PACS2: variants seen among roughly 807,000 people sequenced by gnomAD.
PACS2 encodes phosphofurin acidic cluster sorting protein 2.
Under a neutral mutation model 113.0 loss-of-function variants are expected in PACS2, and 36 were observed. The observed-to-expected ratio is 0.32, with a 90% CI of 0.24 to 0.42. PACS2 has a LOEUF of 0.42. Ranked by LOEUF, PACS2 falls within the 10% of genes least tolerant of loss-of-function variation. The pLI, the probability that PACS2 is intolerant of heterozygous loss-of-function variation, is 1.00. For synonymous variants in PACS2, 589 were observed against 536.1 expected (o/e 1.10, Z -1.36); for missense variants, 1,015 against 1,239.5 (o/e 0.82, Z 2.72).
chr14:105,327,753 G>A (rs2059173944), intron 1 of PACS2, among the ~76,000 whole-genome samples: 1 of 152,196 alleles, frequency 6.6e-6, no homozygotes, highest in South Asian at 2.1e-4. Flanking sequence ...TGGCTCGAGC[G>A]GTTCCCTGCC....
chr14:105,339,206 G>A (rs1566917122), intron 1 of PACS2, among the ~76,000 whole-genome samples: 2 of 152,182 alleles, frequency 1.3e-5, no homozygotes, highest in African/African-American at 4.8e-5. Context: ...GAGACCAGGT[G>A]CTTCAAAAAG....
At position 105,369,916 on chromosome 14, in the gene PACS2, CT is replaced by C; in HGVS notation, c.801+18del. On this transcript the variant is annotated intron_variant, in intron 8 of 24. Coordinates refer to ENST00000447393, the MANE Select transcript of PACS2 (RefSeq NM_001100913.3). ...GTCCGACGAGGTGAGTGCGCCGCGC[CT>C]TCTGCTCGCGGCCCCCACGCCTGCA... 1.3e-6 allele frequency: 2 copies of C among 1,593,116 alleles called. No individual in the cohort carries two copies. Among genetic ancestry groups the C allele is most frequent in the Non-Finnish European group, 1.7e-6 (2 of 1,174,126 alleles).
chr14:105,379,355 C>G (rs1356011409), intron 9 of PACS2, among the ~76,000 whole-genome samples: 6 of 152,230 alleles, frequency 3.9e-5, no homozygotes, highest in Admixed American at 2.6e-4. Flanking sequence ...GGCTGCAGAT[C>G]CCAGGGCTGC....
chr14:105,383,933 C>G (rs980419103), intron 16 of PACS2: 5 of 273,076 alleles, frequency 1.8e-5, no homozygotes, highest in African/African-American at 1.1e-4. Context: ...TCGTCGAACT[C>G]CATTACTTCT....
intron 4 of PACS2, among the ~76,000 whole-genome samples, chr14:105,359,986 T>C (rs903762373): frequency 2.0e-5 from 3 of 152,214 alleles, no homozygotes; most frequent in African/African-American, 7.2e-5. Flanking sequence ...TCTGTAACAA[T>C]TGCCTACAGT....
chr14:105,333,950 A>G (rs775997144), intron 1 of PACS2, among the ~76,000 whole-genome samples: 1 of 152,220 alleles, frequency 6.6e-6, no homozygotes, highest in South Asian at 2.1e-4. Context: ...GCCCCTGCAC[A>G]GAAACGCCCT....
At chr14:105,310,268 C>T (rs140259121), upstream of PACS2, among the ~76,000 whole-genome samples, 669 of 150,980 alleles carry the variant, frequency 4.4e-3, 9 homozygotes, top group African/African-American at 0.015. Context: ...CAGTGGCTCA[C>T]GCCTGTAATC....
chr14:105,369,101 T>G (rs1555408707), intron 7 of PACS2, among the ~76,000 whole-genome samples: 1 of 152,266 alleles, frequency 6.6e-6, no homozygotes, highest in Admixed American at 6.5e-5. Context: ...CGGGGAGCTC[T>G]GTGCCTGGTG....
At chr14:105,362,384 T>C (rs1421403919) in intron 4 of PACS2, among the ~76,000 whole-genome samples, 1 of 139,874 alleles carries the variant, frequency 7.1e-6, no homozygotes, top group Non-Finnish European at 1.5e-5. Context: ...GCCACTGCAC[T>C]CCAGCCTGGG....
Position 105,381,067 on chromosome 14 carries a change from C to T in PACS2, c.1236C>T (p.Thr412=), listed in dbSNP as rs1555411892. 2 of 1,612,232 alleles carry T rather than the reference C, an allele frequency of 1.2e-6. No individual in the cohort carries two copies. The highest frequency in any genetic ancestry group is 1.1e-5 in the South Asian group (1 of 90,994). ...GGCTGCCGCCCAGCGGGAGGATCAC[C>T]AAGACAGAGTCCCTTGTCATCCCCT... is the stretch of plus-strand genomic sequence containing the variant. The part of the protein sequence containing the change: ...TERLPPSGRI[T]KTESLVIPST... Residue 412 remains threonine (T), a synonymous_variant, in exon 12 of 25, where the codon ACC becomes ACT. Coordinates refer to ENST00000447393, the MANE Select transcript of PACS2 (RefSeq NM_001100913.3).
intron 11 of PACS2, among the ~76,000 whole-genome samples, chr14:105,380,666 T>A (rs1180095825): frequency 6.6e-6 from 1 of 152,096 alleles, no homozygotes; most frequent in Non-Finnish European, 1.5e-5. Flanking sequence ...GAACGCCTGG[T>A]TCCCCCCTGC....
chr14:105,321,998 G>A (rs942051157), intron 1 of PACS2, among the ~76,000 whole-genome samples: 2 of 150,758 alleles, frequency 1.3e-5, no homozygotes, highest in Non-Finnish European at 2.9e-5. Flanking sequence ...GAGTACAGTC[G>A]TGCAATCTTG....
In PACS2 at chr14:105,390,958, C is replaced by T; in HGVS notation, c.2077-249C>T. 1.3e-5 allele frequency: 7 copies of T among 559,714 alleles called. No homozygotes were observed. The South Asian group carries it at 1.3e-4, about 11-fold the overall frequency. The allele number at this position is 559,714 out of a possible 1,614,324, so 34.7% of individuals were successfully genotyped here. ...CATAGTTTGCAGCTGCCCTGAGGGC[C>T]GACTTTAGAGAGAGCAGTCCCTCCT... On this transcript the variant is annotated intron_variant, in intron 20 of 24. Transcript: ENST00000447393.
chr14:105,391,910 C>A, intron 22 of PACS2, 144 bp downstream of exon 22: 1 of 820,018 alleles, frequency 1.2e-6, no homozygotes, highest in Non-Finnish European at 1.8e-6. Context: ...TGCAGGACGG[C>A]TGGGTCCTCT....
intron 1 of PACS2, among the ~76,000 whole-genome samples, chr14:105,332,406 A>G (rs1461676036): frequency 6.6e-6 from 1 of 152,162 alleles, no homozygotes; most frequent in African/African-American, 2.4e-5. Context: ...GGGGAGTGAG[A>G]GGAGCAGGTG....
Position 105,358,411 on chromosome 14 carries a change from G to A in PACS2, c.423+3234G>A, listed in dbSNP as rs1241931087. ...CCCTCTCAGAGGCAGCTCCGCAGAGGCAGGTGTGCGGTGGGGGCAGACGTG... is the reference window on the plus strand; with the variant it reads ...CCCTCTCAGAGGCAGCTCCGCAGAGACAGGTGTGCGGTGGGGGCAGACGTG... On this transcript the variant is annotated intron_variant, in intron 4 of 24. Coordinates refer to ENST00000447393, the MANE Select transcript of PACS2 (RefSeq NM_001100913.3). The surrounding 1 kb of genome is among the most constrained non-coding windows in gnomAD (Gnocchi z 4.9). Among the ~76,000 whole-genome samples, 1 of 152,230 alleles carries A rather than the reference G, an allele frequency of 6.6e-6. No homozygotes were observed. Among genetic ancestry groups the A allele is most frequent in the Non-Finnish European group, 1.5e-5 (1 of 68,032 alleles).
intron 3 of PACS2, among the ~76,000 whole-genome samples, chr14:105,352,974 A>G (rs2060267548): frequency 1.0e-5 from 1 of 97,422 alleles, no homozygotes; most frequent in Non-Finnish European, 2.0e-5. Context: ...GGCACCCCTC[A>G]TCACTGTCCC....
chr14:105,368,070 G>T lies in PACS2; in HGVS notation c.587-4G>T, dbSNP rs782379339. The stretch of plus-strand genomic sequence containing the variant: ...ACCCTCCCTTCTGTCTGTTCATTCC[G>T]CAGATAACTACTCCGAGGAGGAGTA... On this transcript the variant is annotated splice_region_variant and splice_polypyrimidine_tract_variant and intron_variant, in intron 5 of 24. Transcript: ENST00000447393. The T allele has an allele frequency of 3.1e-6, 5 of 1,599,472 alleles. No homozygotes were observed. The highest frequency in any genetic ancestry group is 4.3e-6 in the Non-Finnish European group (5 of 1,167,202).
At chr14:105,385,250 T>C (rs1243025320) in intron 18 of PACS2, among the ~76,000 whole-genome samples, 1 of 152,224 alleles carries the variant, frequency 6.6e-6, no homozygotes, top group Non-Finnish European at 1.5e-5. Flanking sequence ...GTTGACAGAA[T>C]GGATAGCTGT....
Sources: allele counts gnomAD v4.1 joint callset (sites outside exome capture counted in the v4.1 genomes callset), GRCh38; gene constraint gnomAD v4.1.1; non-coding constraint Gnocchi (gnomAD v3.1); transcripts MANE v1.5; gene names NCBI Gene and HGNC (gene_info 2026-07-23, HGNC 2026-07-21).